Variants in CHRNB3 observed in about 807,000 individuals in gnomAD.
The protein encoded by CHRNB3 is cholinergic receptor nicotinic beta 3 subunit, also known as neuronal acetylcholine receptor subunit beta-3.
In CHRNB3, 37 loss-of-function variants were observed where a neutral mutation model predicts 40.6. That is an observed-to-expected ratio of 0.91 (90% CI 0.70 to 1.20). CHRNB3 has a LOEUF of 1.20. CHRNB3 is among the 50% of genes most tolerant of loss of function. The pLI is 0.00. For missense variants in CHRNB3, 505 were observed against 551.2 expected (o/e 0.92, Z 0.84); for synonymous variants, 207 against 207.1 (o/e 1.00, Z 0.00).
At chr8:42,719,373 G>C (rs1349736461) in intron 3 of CHRNB3, among the ~76,000 whole-genome samples, 1 of 152,194 alleles carries the variant, frequency 6.6e-6, no homozygotes, top group Non-Finnish European at 1.5e-5. Flanking sequence ...GGCTGGGCAT[G>C]GTGGCTCCTG....
chr8:42,733,993 C>T (rs929363691), intron 5 of CHRNB3, among the ~76,000 whole-genome samples: 1 of 150,784 alleles, frequency 6.6e-6, no homozygotes, highest in Non-Finnish European at 1.5e-5. Flanking sequence ...CACGGTGGCT[C>T]ATGCCTGTAA....
intron 3 of CHRNB3, among the ~76,000 whole-genome samples, chr8:42,723,031 A>G (rs1280855558): frequency 7.0e-6 from 1 of 143,152 alleles, no homozygotes; most frequent in Non-Finnish European, 1.6e-5. Context: ...TCGTAATAAG[A>G]TATCCTATTA....
chr8:42,709,646 T>C (rs1443167114), intron 2 of CHRNB3, among the ~76,000 whole-genome samples: 4 of 152,290 alleles, frequency 2.6e-5, no homozygotes, highest in Admixed American at 6.5e-5. Context: ...ATTATTGTTG[T>C]TGTTGAGACA....
At chr8:42,729,640 T>C (rs1288795720) in intron 3 of CHRNB3, among the ~76,000 whole-genome samples, 2 of 152,098 alleles carry the variant, frequency 1.3e-5, no homozygotes, top group Admixed American at 6.6e-5. Flanking sequence ...ACTCCTGATG[T>C]TTTAATGACA....
chr8:42,723,090 AT>A (rs1482416375), intron 3 of CHRNB3, among the ~76,000 whole-genome samples: 1 of 130,002 alleles, frequency 7.7e-6, no homozygotes, highest in Non-Finnish European at 1.7e-5. Context: ...TTACTTAGAT[AT>A]TTACTAAAAT....
intron 3 of CHRNB3, among the ~76,000 whole-genome samples, chr8:42,718,392 G>A (rs1211657316): frequency 1.3e-5 from 2 of 152,078 alleles, no homozygotes; most frequent in East Asian, 3.9e-4. Flanking sequence ...TTGGGGACTT[G>A]GCCGAGCATG....
chr8:42,701,273 G>T (rs996988315), intron 1 of CHRNB3, among the ~76,000 whole-genome samples: 1 of 148,164 alleles, frequency 6.7e-6, no homozygotes, highest in Non-Finnish European at 1.5e-5. Context: ...ATGCTGCAAT[G>T]GTTCACGTCT....
intron 3 of CHRNB3, chr8:42,725,996 A>C: frequency 8.7e-7 from 1 of 1,147,822 alleles, no homozygotes; most frequent in Non-Finnish European, 1.3e-6. Flanking sequence ...GGCAATTCCA[A>C]GGTGTGGTTT....
At chr8:42,702,889 C>G (rs80155953) in intron 1 of CHRNB3, among the ~76,000 whole-genome samples, 1 of 152,144 alleles carries the variant, frequency 6.6e-6, no homozygotes, top group African/African-American at 2.4e-5. Context: ...ATATGTATAT[C>G]GAATTGAATT....
chr8:42,718,027 C>T (rs542251939), intron 3 of CHRNB3, among the ~76,000 whole-genome samples: 3 of 149,842 alleles, frequency 2.0e-5, no homozygotes, highest in Non-Finnish European at 4.4e-5. Flanking sequence ...AAGACAGTTT[C>T]GCCATGTTGG....
At chr8:42,724,137 CTG>C (rs1816265692) in intron 3 of CHRNB3, among the ~76,000 whole-genome samples, 1 of 152,122 alleles carries the variant, frequency 6.6e-6, no homozygotes, top group Non-Finnish European at 1.5e-5. Context: ...TGGCTCATGC[CTG>C]TAATCCCAGC....
intron 3 of CHRNB3, among the ~76,000 whole-genome samples, chr8:42,719,652 A>G (rs1056350855): frequency 1.3e-5 from 2 of 152,132 alleles, no homozygotes; most frequent in African/African-American, 4.8e-5. Context: ...GTCTAAAAAC[A>G]ACAGAAAAGA....
chr8:42,732,657 T>A, intron 5 of CHRNB3, 108 bp downstream of exon 5: 1 of 1,001,598 alleles, frequency 1.0e-6, no homozygotes, highest in Non-Finnish European at 1.4e-6. Flanking sequence ...TGTGACGTTA[T>A]ATAAGACATG....
intron 5 of CHRNB3, among the ~76,000 whole-genome samples, chr8:42,734,071 C>A (rs989449436): frequency 6.6e-6 from 1 of 150,578 alleles, no homozygotes; most frequent in Non-Finnish European, 1.5e-5. Flanking sequence ...TCCTGGCCAA[C>A]GTGGTGAAAC....
chr8:42,704,315 C>A (rs1815880906), intron 1 of CHRNB3: 1 of 152,236 alleles, frequency 6.6e-6, no homozygotes, highest in Non-Finnish European at 1.5e-5. Flanking sequence ...CAGTCCCTAA[C>A]AGCCAGTATG....
intron 1 of CHRNB3, among the ~76,000 whole-genome samples, chr8:42,706,819 G>A (rs1815930125): frequency 6.6e-6 from 1 of 152,030 alleles, no homozygotes; most frequent in Admixed American, 6.5e-5. Context: ...GGAGTGCAGT[G>A]GTGCTACCAC....
intron 5 of CHRNB3, among the ~76,000 whole-genome samples, chr8:42,732,970 T>C (rs1816455992): frequency 6.6e-6 from 1 of 152,048 alleles, no homozygotes; most frequent in African/African-American, 2.4e-5. Context: ...TAATATAAAA[T>C]GTAGTGTTAC....
chr8:42,714,627 C>A (rs1474277920), intron 3 of CHRNB3, among the ~76,000 whole-genome samples: 2 of 151,948 alleles, frequency 1.3e-5, no homozygotes, highest in African/African-American at 4.8e-5. Flanking sequence ...TTACACAGAT[C>A]TTAGTTCCAG....
At chr8:42,734,170 C>T (rs976707327) in intron 5 of CHRNB3, among the ~76,000 whole-genome samples, 6 of 140,556 alleles carry the variant, frequency 4.3e-5, no homozygotes, top group Non-Finnish European at 9.1e-5. Flanking sequence ...GCAGGAGAAT[C>T]ACTTAAACCT....
Sources: gnomAD v4.1 joint callset for allele counts (sites outside exome capture counted in the v4.1 genomes callset) on GRCh38, gnomAD v4.1.1 for gene constraint, MANE v1.5 for transcripts, NCBI Gene and HGNC (gene_info 2026-07-23, HGNC 2026-07-21) for gene names.